The following SHISAL2A variants were observed in gnomAD, a reference collection of about 807,000 sequenced individuals.
SHISAL2A encodes shisa like 2A.
A neutral mutation model predicts 11.5 loss-of-function variants in SHISAL2A; 18 were observed. The ratio of observed to expected loss-of-function variants is 1.57; its 90% CI spans 1.08 to 2.33. The LOEUF (loss-of-function observed/expected upper bound fraction) is 2.33. Among genes scored for constraint, SHISAL2A ranks in the 30% most tolerant of loss-of-function variants. SHISAL2A has a pLI of 0.00. For synonymous variants in SHISAL2A, 94 were observed against 99.6 expected (o/e 0.94, Z 0.34); for missense variants, 261 against 250.9 (o/e 1.04, Z -0.27).
At chr1:52,635,170 C>G (rs1691211879) in intron 1 of SHISAL2A, among the ~76,000 whole-genome samples, 1 of 152,100 alleles carries the variant, frequency 6.6e-6, no homozygotes, top group African/African-American at 2.4e-5. Flanking sequence ...ATTCCCTGCC[C>G]CTGAGGAACT....
At chr1:52,646,341 A>G (rs1026958159) in intron 2 of SHISAL2A, among the ~76,000 whole-genome samples, 1 of 152,220 alleles carries the variant, frequency 6.6e-6, no homozygotes, top group Non-Finnish European at 1.5e-5. Context: ...TAATAAAAAT[A>G]TAGGAATTTG....
chr1:52,633,605 GA>G lies in SHISAL2A; in HGVS notation c.113del (p.Asp38AlafsTer29), dbSNP rs1379941421. ...AAAVFCCGFR[D>X]HKYCCDDPHS... is the part of the protein sequence containing the mutation. ...CGCTGTCTTCTGCTGCGGCTTCCGC[GA>G]CCACAAGTACTGCTGCGACGACCCG... On this transcript the variant is annotated frameshift_variant, in exon 1 of 3. Coordinates refer to ENST00000517870, the MANE Select transcript of SHISAL2A (RefSeq NM_001042693.3). LOFTEE classifies it high-confidence loss of function. The surrounding 1 kb of genome is among the most constrained non-coding windows in gnomAD (Gnocchi z 6.4). The G allele has an allele frequency of 2.5e-6, 4 of 1,612,490 alleles. No individual in the cohort carries two copies. Among genetic ancestry groups the G allele is most frequent in the Non-Finnish European group, 3.4e-6 (4 of 1,179,386 alleles).
upstream of SHISAL2A, among the ~76,000 whole-genome samples, chr1:52,633,033 G>A (rs1253842504): frequency 6.6e-6 from 1 of 151,980 alleles, no homozygotes; most frequent in African/African-American, 2.4e-5. The surrounding 1 kb of genome is among the most constrained non-coding windows in gnomAD (Gnocchi z 6.4). Context: ...GCGCCGGCTC[G>A]GTGCAGGTAA....
intron 2 of SHISAL2A, among the ~76,000 whole-genome samples, chr1:52,653,495 T>C (rs1178288991): frequency 2.0e-5 from 3 of 151,598 alleles, no homozygotes; most frequent in Non-Finnish European, 4.4e-5. Flanking sequence ...TAGCCGGGCA[T>C]GATGGCATGT....
chr1:52,656,855 G>A lies in SHISAL2A; in HGVS notation c.388G>A (p.Val130Met), dbSNP rs1691801803. ...AGGCATGGCGGCAGAAGTGCCAAAA[G>A]TGAGCCCTCTCCAGCAGAGTTACTC... ...NTGMAAEVPKVSPLQQSYSCL... is the reference protein window; with the variant it reads ...NTGMAAEVPKMSPLQQSYSCL... The change falls in exon 3 of 3, where the codon GTG (valine) becomes ATG (methionine). Residue 130 changes from valine to methionine, a missense_variant. By Grantham distance (21) the Val-to-Met change is conservative. Transcript: ENST00000517870. The A allele has an allele frequency of 1.2e-6, 2 of 1,614,030 alleles. No individual in the cohort carries two copies. The highest frequency in any genetic ancestry group is 2.7e-5 in the African/African-American group (2 of 74,904).
chr1:52,655,577 G>A (rs1032307349), intron 2 of SHISAL2A, among the ~76,000 whole-genome samples: 3 of 151,442 alleles, frequency 2.0e-5, no homozygotes, highest in African/African-American at 7.3e-5. Context: ...AGTGCGCCAT[G>A]TTCAAGCCAC....
downstream of SHISAL2A, among the ~76,000 whole-genome samples, chr1:52,657,897 C>G (rs188050303): frequency 1.1e-3 from 173 of 152,300 alleles, no homozygotes; most frequent in African/African-American, 4.0e-3. Context: ...AGACTGAATA[C>G]AGGCTCCAGA....
chr1:52,661,543 C>T (rs1285113842), downstream of SHISAL2A, among the ~76,000 whole-genome samples: 1 of 152,226 alleles, frequency 6.6e-6, no homozygotes, highest in Non-Finnish European at 1.5e-5. Context: ...CCCAGGAGAG[C>T]TCCATGCCTT....
chr1:52,633,523 C>T lies in SHISAL2A; in HGVS notation c.30C>T (p.Ser10=). Residue 10 remains serine, a synonymous_variant, in exon 1 of 3, where the codon AGC becomes AGT. Coordinates refer to ENST00000517870, the MANE Select transcript of SHISAL2A (RefSeq NM_001042693.3). The surrounding 1 kb of genome is among the most constrained non-coding windows in gnomAD (Gnocchi z 6.4). The part of the protein sequence containing the change: MSGACTSYV[S]AEQEVVRGFS... ...GCGGCGCCTGCACGAGCTACGTGAG[C>T]GCAGAGCAGGAGGTGGTGCGCGGCT... is the stretch of plus-strand genomic sequence containing the variant. 1 of 1,585,994 alleles carries T rather than the reference C, an allele frequency of 6.3e-7. No individual in the cohort carries two copies. Among genetic ancestry groups the T allele is most frequent in the Non-Finnish European group, 8.6e-7 (1 of 1,168,866 alleles).
intron 2 of SHISAL2A, among the ~76,000 whole-genome samples, chr1:52,654,224 TATAGATAGATAG>T (rs55929422): frequency 0.032 from 4,763 of 147,770 alleles, 207 homozygotes; most frequent in African/African-American, 0.099. Context: ...ATGGCAGTTT[TATAGATAGATAG>T]ATAGATAGAT....
chr1:52,664,221 C>T (rs1452657142), intron 4 of SHISAL2A, among the ~76,000 whole-genome samples: 6 of 149,940 alleles, frequency 4.0e-5, no homozygotes, highest in African/African-American at 1.2e-4. Flanking sequence ...GACATAATCT[C>T]GCTCTGTCGC....
At chr1:52,661,405 A>C (rs1691904685), downstream of SHISAL2A, among the ~76,000 whole-genome samples, 1 of 152,222 alleles carries the variant, frequency 6.6e-6, no homozygotes, top group South Asian at 2.1e-4. Context: ...GGCCCTAGAC[A>C]TCTGTCCTCC....
chr1:52,665,920 G>T (rs748361594), intron 4 of SHISAL2A, among the ~76,000 whole-genome samples: 1 of 152,214 alleles, frequency 6.6e-6, no homozygotes, highest in Admixed American at 6.5e-5. Context: ...GTAGCAGCGT[G>T]TGCATGTGTG....
intron 1 of SHISAL2A, among the ~76,000 whole-genome samples, chr1:52,640,877 G>C (rs1467982363): frequency 2.0e-5 from 3 of 152,194 alleles, no homozygotes; most frequent in Non-Finnish European, 4.4e-5. Context: ...AACCAACCAT[G>C]TGATTAGAGC....
chr1:52,632,899 C>A (rs1336615656), upstream of SHISAL2A, among the ~76,000 whole-genome samples: 1 of 152,164 alleles, frequency 6.6e-6, no homozygotes, highest in African/African-American at 2.4e-5. Context: ...CGAACATCCC[C>A]GGGCCCCTGG....
chr1:52,663,534 G>A (rs1437261037), intron 4 of SHISAL2A, among the ~76,000 whole-genome samples: 2 of 152,194 alleles, frequency 1.3e-5, no homozygotes, highest in East Asian at 3.8e-4. Flanking sequence ...GCCAAGACGG[G>A]TGGATCACCT....
chr1:52,634,461 T>C (rs569913146), intron 1 of SHISAL2A, among the ~76,000 whole-genome samples: 3 of 152,310 alleles, frequency 2.0e-5, no homozygotes, highest in South Asian at 2.1e-4. Flanking sequence ...AAGTTCATCA[T>C]GAGACAATGG....
intron 1 of SHISAL2A, among the ~76,000 whole-genome samples, chr1:52,641,362 A>C (rs1691360538): frequency 6.6e-6 from 1 of 152,120 alleles, no homozygotes; most frequent in Admixed American, 6.5e-5. Context: ...AACCTGTGGG[A>C]GCTGACACTA....
At chr1:52,652,923 G>A (rs1362316700) in intron 2 of SHISAL2A, among the ~76,000 whole-genome samples, 4 of 115,572 alleles carry the variant, frequency 3.5e-5, no homozygotes, top group South Asian at 3.0e-4. Context: ...CAGAGATCGC[G>A]CCACTGCACT....
Sources: gnomAD v4.1 joint callset for allele counts (sites outside exome capture counted in the v4.1 genomes callset) on GRCh38, gnomAD v4.1.1 for gene constraint, Gnocchi (gnomAD v3.1) non-coding constraint, MANE v1.5 for transcripts, NCBI Gene and HGNC (gene_info 2026-07-23, HGNC 2026-07-21) for gene names.